Variants in UTP20 observed in about 807,000 individuals in gnomAD.
UTP20 encodes the protein UTP20 small subunit processome component.
Under a neutral mutation model 329.5 loss-of-function variants are expected in UTP20, and 164 were observed. The observed-to-expected ratio is 0.50, with a 90% CI of 0.44 to 0.57. The LOEUF (loss-of-function observed/expected upper bound fraction) is 0.57. Among genes scored for constraint, UTP20 ranks in the 20% least tolerant of loss-of-function variants. UTP20 has a pLI of 0.00. For missense variants in UTP20, 3,055 were observed against 3,284.2 expected, an observed-to-expected ratio of 0.93 and a Z score of 1.71; for synonymous variants, 1,151 against 1,159.3, an observed-to-expected ratio of 0.99 and a Z score of 0.14.
chr12:101,363,458 T>A, intron 44 of UTP20, 118 bp from the exon 45 acceptor site: 1 of 840,820 alleles, frequency 1.2e-6, no homozygotes, highest in Non-Finnish European at 1.7e-6. Flanking sequence ...CTAATTTGAG[T>A]CCAGTCCAAC....
In UTP20 at chr12:101,362,068, T is replaced by C; in HGVS notation, c.5790+8T>C. 1 of 1,602,894 alleles carries C rather than the reference T, an allele frequency of 6.2e-7. No homozygotes were observed. Among genetic ancestry groups the C allele is most frequent in the Non-Finnish European group, 8.5e-7 (1 of 1,174,388 alleles). ...TTAGATATAATGATTGAGGTAAGAC[T>C]TACAGAAACGAATTCTAATTTTTTT... On this transcript the variant is annotated splice_region_variant and intron_variant, in intron 44 of 61. Transcript: ENST00000261637.
intron 38 of UTP20, among the ~76,000 whole-genome samples, chr12:101,348,481 T>C (rs1869405056): frequency 6.6e-6 from 1 of 152,104 alleles, no homozygotes; most frequent in African/African-American, 2.4e-5. Context: ...CAGTACATTG[T>C]TGTCATTTTC....
At chr12:101,354,575 A>G (rs898972769) in intron 40 of UTP20, among the ~76,000 whole-genome samples, 3 of 152,072 alleles carry the variant, frequency 2.0e-5, no homozygotes, top group South Asian at 2.1e-4. Flanking sequence ...GTGTTCCCCA[A>G]TTACCCTGTA....
chr12:101,377,973 G>C (rs1412353492), intron 56 of UTP20, among the ~76,000 whole-genome samples: 1 of 152,188 alleles, frequency 6.6e-6, no homozygotes, highest in East Asian at 1.9e-4. Flanking sequence ...TGTCATCCCA[G>C]CACTTTGGGA....
intron 12 of UTP20, among the ~76,000 whole-genome samples, chr12:101,295,996 C>T (rs1872335598): frequency 6.6e-6 from 1 of 152,134 alleles, no homozygotes; most frequent in Admixed American, 6.5e-5. Flanking sequence ...CGTGCAGTTG[C>T]AAGAAATAGT....
chr12:101,330,345 C>T (rs1868719197), intron 27 of UTP20, among the ~76,000 whole-genome samples: 1 of 152,020 alleles, frequency 6.6e-6, no homozygotes, highest in African/African-American at 2.4e-5. Flanking sequence ...GGCTAGAGCA[C>T]CAGGAGCAGG....
Position 101,363,561 on chromosome 12 carries a change from C to A in UTP20, c.5791-15C>A. ...TGAGTGCATATAATTGCCATTTGTC[C>A]TTTTTCTTCCAAAGATTTTTAACCA... On this transcript the variant is annotated splice_polypyrimidine_tract_variant and intron_variant, in intron 44 of 61. Coordinates refer to ENST00000261637, the MANE Select transcript of UTP20 (RefSeq NM_014503.3). The A allele has an allele frequency of 1.9e-6, 3 of 1,605,622 alleles. No homozygotes were observed. The highest frequency in any genetic ancestry group is 1.1e-5 in the South Asian group (1 of 89,906).
chr12:101,372,774 C>T, intron 51 of UTP20, 110 bp from the exon 52 acceptor site: 1 of 790,780 alleles, frequency 1.3e-6, no homozygotes, highest in South Asian at 1.6e-5. Context: ...TGATTGATTG[C>T]CATTCTGTAA....
chr12:101,302,153 C>T (rs1593423459), intron 14 of UTP20, among the ~76,000 whole-genome samples: 3 of 152,262 alleles, frequency 2.0e-5, no homozygotes, highest in South Asian at 4.1e-4. Flanking sequence ...TAGTGTTGAA[C>T]TCCTGGCCTC....
chr12:101,342,920 C>T (rs1267031069), intron 34 of UTP20, 21 bp from the exon 35 acceptor site: 3 of 1,609,926 alleles, frequency 1.9e-6, no homozygotes, highest in Non-Finnish European at 2.5e-6. Flanking sequence ...TTTTATATAA[C>T]TTCAATGGCA....
chr12:101,375,806 T>G (rs777821550), intron 56 of UTP20, 50 bp downstream of exon 56: 28 of 1,157,444 alleles, frequency 2.4e-5, no homozygotes, highest in Non-Finnish European at 3.5e-5. Flanking sequence ...TGTCATAGAA[T>G]TACTGAAAGT....
chr12:101,280,917 A>G (rs1871775837), intron 1 of UTP20, among the ~76,000 whole-genome samples, 199 bp from the exon 2 acceptor site: 1 of 152,226 alleles, frequency 6.6e-6, no homozygotes, highest in Admixed American at 6.5e-5. Context: ...GACATAGCTG[A>G]GAGAAATTAT....
At chr12:101,373,503 C>A in intron 53 of UTP20, 33 bp downstream of exon 53, 1 of 1,613,944 alleles carries the variant, frequency 6.2e-7, no homozygotes, top group Non-Finnish European at 8.5e-7. Context: ...CCCCGTGACT[C>A]CTGGAAGTCC....
chr12:101,285,438 T>C, intron 2 of UTP20, 132 bp from the exon 3 acceptor site: 1 of 967,006 alleles, frequency 1.0e-6, no homozygotes, highest in East Asian at 2.6e-5. Context: ...ATGGCCTGTT[T>C]TAAAAAACTA....
intron 21 of UTP20, 91 bp downstream of exon 21, chr12:101,312,367 G>GT: frequency 1.3e-6 from 2 of 1,504,568 alleles, no homozygotes; most frequent in Non-Finnish European, 8.9e-7. Flanking sequence ...TGAGTTCTTT[G>GT]TTTTTTGCCT....
At chr12:101,361,879 C>G in intron 43 of UTP20, 83 bp from the exon 44 acceptor site, 1 of 1,050,314 alleles carries the variant, frequency 9.5e-7, no homozygotes, top group Non-Finnish European at 1.5e-6. Flanking sequence ...TCTGAGTGTT[C>G]TCTTTGCAGT....
intron 25 of UTP20, 56 bp from the exon 26 acceptor site, chr12:101,327,025 A>G (rs1419999356): frequency 2.6e-6 from 4 of 1,533,590 alleles, no homozygotes; most frequent in African/African-American, 1.4e-5. Context: ...GGCAAATAAA[A>G]CAACTCATAT....
At chr12:101,285,532 A>G (rs199684876) in intron 2 of UTP20, 38 bp from the exon 3 acceptor site, 2 of 1,590,562 alleles carry the variant, frequency 1.3e-6, no homozygotes, top group East Asian at 4.5e-5. Context: ...TTGCTTTCTT[A>G]GAGTTATTTG....
At position 101,309,858 on chromosome 12, in the gene UTP20, G is replaced by T. The variant is rs796481910; in HGVS notation, c.2231+19G>T. 1 of 1,603,964 alleles carries T rather than the reference G, an allele frequency of 6.2e-7. No individual in the cohort carries two copies. Among genetic ancestry groups the T allele is most frequent in the African/African-American group, 1.3e-5 (1 of 74,692 alleles). On this transcript the variant is annotated intron_variant, in intron 19 of 61. Transcript: ENST00000261637. ...TCATAAGGTAAACATGGGTTAAATG[G>T]GATGAAACTATTATACTTTAACTAC...
Sources: allele counts gnomAD v4.1 joint callset (sites outside exome capture counted in the v4.1 genomes callset), GRCh38; gene constraint gnomAD v4.1.1; transcripts MANE v1.5; gene names NCBI Gene and HGNC (gene_info 2026-07-23, HGNC 2026-07-21).